Variants in DDX42 observed in about 807,000 individuals in gnomAD.
DDX42 encodes the protein DEAD-box helicase 42, also known as ATP-dependent RNA helicase DDX42.
DDX42 carries 22 observed loss-of-function variants against 101.5 expected under a neutral mutation model. The ratio of observed to expected loss-of-function variants is 0.22; its 90% confidence interval spans 0.15 to 0.31. DDX42 has a LOEUF of 0.31. Among genes scored for constraint, DDX42 ranks in the 10% least tolerant of loss-of-function variants. The pLI is 1.00. For missense variants in DDX42, 849 were observed against 1,199.9 expected, an observed-to-expected ratio of 0.71 and a Z score of 4.32; for synonymous variants, 402 against 401.2, an observed-to-expected ratio of 1.00 and a Z score of -0.02.
intron 15 of DDX42, among the ~76,000 whole-genome samples, chr17:63,814,531 G>C (rs572443645): frequency 3.9e-5 from 6 of 152,218 alleles, no homozygotes; most frequent in Admixed American, 1.3e-4. Context: ...TTTTGACTTT[G>C]GCATTTTCTT....
At chr17:63,788,337 GTC>G (rs1244941180) in intron 2 of DDX42, among the ~76,000 whole-genome samples, 4 of 137,512 alleles carry the variant, frequency 2.9e-5, no homozygotes, top group African/African-American at 1.1e-4. Flanking sequence ...TTGAGATGGA[GTC>G]TCTCTCACCC....
At chr17:63,781,744 C>T (rs1300335886) in intron 1 of DDX42, among the ~76,000 whole-genome samples, 2 of 151,986 alleles carry the variant, frequency 1.3e-5, no homozygotes, top group Non-Finnish European at 2.9e-5. Flanking sequence ...GATGTGGTGG[C>T]TCACGCCTGT....
chr17:63,812,100 C>G lies in DDX42; in HGVS notation c.1567C>G (p.His523Asp). ...AGCGAATAACCTTAAACAGGAGGGTCATAATCTTGGGCTGCTCCATGGGGA... is the reference window on the plus strand; with the variant it reads ...AGCGAATAACCTTAAACAGGAGGGTGATAATCTTGGGCTGCTCCATGGGGA... ...ELANNLKQEG[H>D]NLGLLHGDMD... Residue 523 changes from histidine (H) to aspartate (D), a missense_variant, in exon 14 of 18, where the codon CAT (histidine) becomes GAT (aspartate). Physicochemically the swap from His to Asp is moderately conservative, Grantham distance 81. Coordinates refer to ENST00000389924, the MANE Select transcript of DDX42 (RefSeq NM_203499.3). 6.2e-7 allele frequency: 1 copy of G among 1,614,192 alleles called. No homozygotes were observed. Among genetic ancestry groups the G allele is most frequent in the Non-Finnish European group, 8.5e-7 (1 of 1,180,042 alleles).
intron 3 of DDX42, among the ~76,000 whole-genome samples, chr17:63,793,801 A>C (rs1340949798): frequency 2.6e-5 from 4 of 151,350 alleles, no homozygotes; most frequent in Non-Finnish European, 4.4e-5. Context: ...ATCATTAAGA[A>C]TGTTCATTAT....
chr17:63,816,669 A>G (rs1598345237), intron 16 of DDX42, 199 bp from the exon 17 acceptor site: 1 of 430,182 alleles, frequency 2.3e-6, no homozygotes, highest in East Asian at 3.7e-5. Flanking sequence ...ATTTCCAGAA[A>G]TAGAATTTCT....
intron 6 of DDX42, among the ~76,000 whole-genome samples, chr17:63,801,629 A>C (rs1456770739): frequency 6.6e-6 from 1 of 151,348 alleles, no homozygotes; most frequent in African/African-American, 2.4e-5. Context: ...TCCCAGGTTC[A>C]TTTTTAGTAG....
At chr17:63,788,370 G>A (rs558715923) in intron 2 of DDX42, among the ~76,000 whole-genome samples, 21 of 146,460 alleles carry the variant, frequency 1.4e-4, no homozygotes, top group Non-Finnish European at 2.2e-4. Context: ...GCAGTAGCGC[G>A]ATCTTGGCTC....
chr17:63,818,078 C>T lies in DDX42; in HGVS notation c.2497C>T (p.Arg833Cys), dbSNP rs766865558. Residue 833 changes from arginine to cysteine, a missense_variant, in exon 18 of 18, where the codon CGT becomes TGT. Physicochemically the swap from Arg to Cys is radical, Grantham distance 180. Around this residue, in one of 5 missense-constraint regions of DDX42, gnomAD observed 300 missense variants for 304.9 expected, o/e 0.98. Coordinates refer to ENST00000389924, the MANE Select transcript of DDX42 (RefSeq NM_203499.3). ...TGGCAATCGGCATAGCGATAGTCCA[C>T]GTCACGGAGATGGTGGTCGCCATGG... ...ETGNRHSDSP[R>C]HGDGGRHGDG... 4.3e-6 allele frequency: 7 copies of T among 1,613,820 alleles called. No individual in the cohort carries two copies. In the South Asian group the frequency reaches 4.4e-5, roughly 10 times the overall value.
chr17:63,813,908 C>T (rs1016542672), intron 15 of DDX42, among the ~76,000 whole-genome samples: 2 of 152,012 alleles, frequency 1.3e-5, no homozygotes, highest in Non-Finnish European at 2.9e-5. Context: ...GGCACGATCT[C>T]GGCTCACTGC....
intron 1 of DDX42, among the ~76,000 whole-genome samples, chr17:63,782,957 C>T (rs1051716930): frequency 6.6e-6 from 1 of 152,134 alleles, no homozygotes; most frequent in African/African-American, 2.4e-5. Flanking sequence ...TGCTACTGAA[C>T]TCTAGCTGCA....
At chr17:63,800,092 G>T in intron 5 of DDX42, 1 of 212,094 alleles carries the variant, frequency 4.7e-6, no homozygotes, top group East Asian at 1.2e-4. Context: ...GTGAGTGGTA[G>T]CCGTTTCCAG....
In DDX42 at chr17:63,811,734, G is replaced by T. The variant is rs1173885829; in HGVS notation, c.1399-198G>T. 1.5e-5 allele frequency: 10 copies of T among 678,420 alleles called. No individual in the cohort carries two copies. In the Admixed American group the frequency reaches 2.2e-4, roughly 15 times the overall value. The allele number at this position is 678,420 out of a possible 1,614,324, so 42.0% of individuals were successfully genotyped here. On this transcript the variant is annotated intron_variant, in intron 13 of 17. Transcript: ENST00000389924. ...CAAAGTAGTGGGGCATACAAATTAG[G>T]TATGTACACCAGGTGGAGAGCAAGG...
chr17:63,813,193 G>A, intron 14 of DDX42, 35 bp from the exon 15 acceptor site: 1 of 1,554,886 alleles, frequency 6.4e-7, no homozygotes, highest in Non-Finnish European at 8.8e-7. Flanking sequence ...GACTACAGAT[G>A]AAGAATAAAA....
At position 63,817,961 on chromosome 17, in the gene DDX42, A is replaced by T; in HGVS notation, c.2380A>T (p.Asn794Tyr). The T allele has an allele frequency of 6.2e-7, 1 of 1,614,190 alleles. No individual in the cohort carries two copies. Among genetic ancestry groups the T allele is most frequent in the Non-Finnish European group, 8.5e-7 (1 of 1,180,034 alleles). ...AGGAGTCAACAACACAGCTTCAGGG[A>T]ATAACAGCCGAGAAGGGACTGGGGG... ...AQGVNNTASG[N>Y]NSREGTGGSN... Residue 794 changes from asparagine (N) to tyrosine (Y), a missense_variant, in exon 18 of 18, where the codon AAT (asparagine) becomes TAT (tyrosine). Transcript: ENST00000389924.
chr17:63,785,865 T>A (rs1172799041), intron 1 of DDX42, among the ~76,000 whole-genome samples: 1 of 152,214 alleles, frequency 6.6e-6, no homozygotes, highest in Admixed American at 6.5e-5. Flanking sequence ...ACAACTGATC[T>A]TTTAAGTTTT....
At chr17:63,805,887 A>T (rs1279226266) in intron 7 of DDX42, 1 of 152,280 alleles carries the variant, frequency 6.6e-6, no homozygotes, top group African/African-American at 2.4e-5. Context: ...AATTTTAAGT[A>T]AAACCCCTGA....
At position 63,818,223 on chromosome 17, in the gene DDX42, G is replaced by T. The variant is rs199843196; in HGVS notation, c.2642G>T (p.Arg881Leu). The T allele has an allele frequency of 6.2e-7, 1 of 1,614,074 alleles. No homozygotes were observed. Residue 881 changes from arginine (R) to leucine (L), a missense_variant, in exon 18 of 18, where the codon CGG becomes CTG. Coordinates refer to ENST00000389924, the MANE Select transcript of DDX42 (RefSeq NM_203499.3). ...GAGAACCGGGGTGCAAATGATGGTCGGAATGGGGAAAGCAGGAAAGAAGCT... is the reference window on the plus strand; with the variant it reads ...GAGAACCGGGGTGCAAATGATGGTCTGAATGGGGAAAGCAGGAAAGAAGCT... The part of the protein sequence containing the change: ...HGENRGANDG[R>L]NGESRKEAFN...
intron 2 of DDX42, among the ~76,000 whole-genome samples, chr17:63,791,939 A>AG (rs2039633132): frequency 6.6e-6 from 1 of 151,794 alleles, no homozygotes; most frequent in Non-Finnish European, 1.5e-5. Flanking sequence ...CCCAGCTACT[A>AG]GGGAGGGCAA....
chr17:63,816,840 A>G (rs1208566482), intron 16 of DDX42, 28 bp from the exon 17 acceptor site: 12 of 1,584,366 alleles, frequency 7.6e-6, no homozygotes, highest in Middle Eastern at 1.7e-4. Flanking sequence ...TTATTTTTTC[A>G]TTCTCATAGA....
Sources: gnomAD v4.1 joint callset for allele counts (sites outside exome capture counted in the v4.1 genomes callset) on GRCh38, gnomAD v4.1.1 for gene constraint, gnomAD v4.1.1 regional missense constraint, MANE v1.5 for transcripts, NCBI Gene and HGNC (gene_info 2026-07-23, HGNC 2026-07-21) for gene names.